Variants in EIF2D observed in about 807,000 individuals in gnomAD.
EIF2D encodes the protein eukaryotic translation initiation factor 2D, also known as hepatocellular carcinoma-associated antigen 56.
A neutral mutation model predicts 77.4 loss-of-function variants in EIF2D; 56 were observed. The ratio of observed to expected loss-of-function variants is 0.72; its 90% CI spans 0.58 to 0.90. The LOEUF (loss-of-function observed/expected upper bound fraction) is 0.90. Ranked by LOEUF, EIF2D falls within the 40% of genes least tolerant of loss-of-function variation. The pLI, the probability that EIF2D is intolerant of heterozygous loss-of-function variation, is 0.00. For synonymous variants in EIF2D, 230 were observed against 271.0 expected (o/e 0.85, Z 1.49); for missense variants, 574 against 706.5 (o/e 0.81, Z 2.13).
chr1:206,582,325 A>G (rs954448707), intron 2 of EIF2D, among the ~76,000 whole-genome samples: 6 of 152,222 alleles, frequency 3.9e-5, no homozygotes, highest in Admixed American at 3.9e-4. Context: ...GCATCTGGGA[A>G]CATATGAGAA....
chr1:206,605,816 A>G (rs1050509979), intron 4 of EIF2D, among the ~76,000 whole-genome samples: 8 of 152,234 alleles, frequency 5.3e-5, no homozygotes, highest in Non-Finnish European at 1.2e-4. Flanking sequence ...TTGGAAGGAT[A>G]TTTAATGTTC....
chr1:206,591,687 T>C lies in EIF2D; in HGVS notation c.*88A>G. ...TATTTTTGTAAAGAATTATATTTTG[T>C]ATTTGCAAAAGCTGAAAATGCTCAT... On this transcript the variant is annotated 3_prime_UTR_variant, in exon 15 of 15. Transcript: ENST00000271764. The C allele has an allele frequency of 8.6e-7, 1 of 1,165,312 alleles. No individual in the cohort carries two copies. Among genetic ancestry groups the C allele is most frequent in the Non-Finnish European group, 1.3e-6 (1 of 785,944 alleles). 72.2% of individuals were successfully genotyped at this position (1,165,312 alleles called of 1,614,324 possible).
At chr1:206,600,111 G>T in intron 8 of EIF2D, 152 bp downstream of exon 8, 1 of 788,024 alleles carries the variant, frequency 1.3e-6, no homozygotes, top group Non-Finnish European at 2.0e-6. Flanking sequence ...AGCCCAGGGA[G>T]AGTTTCTTTC....
At chr1:206,610,662 A>G (rs561079733) in intron 2 of EIF2D, among the ~76,000 whole-genome samples, 7 of 152,294 alleles carry the variant, frequency 4.6e-5, no homozygotes, top group African/African-American at 1.7e-4. Flanking sequence ...CTACTAAAAA[A>G]TGCAAAAAAT....
rs1246290851 is a variant in EIF2D at position 206,592,093 on chromosome 1, G to A, written c.1685-248C>T. ...GAGAGAGAATGTGTCTGTTCAGTCT[G>A]TGCTCCTCGCTCTTGCTCATAACAT... is the stretch of plus-strand genomic sequence containing the variant. On this transcript the variant is annotated intron_variant, in intron 14 of 14. Coordinates refer to ENST00000271764, the MANE Select transcript of EIF2D (RefSeq NM_006893.3). This position sits in a 1 kb window ranked among gnomAD's most constrained non-coding sequence, Gnocchi z 4.7. 6.6e-6 allele frequency among the ~76,000 whole-genome samples: 1 copy of A among 152,230 alleles called. No homozygotes were observed. Among genetic ancestry groups the A allele is most frequent in the Non-Finnish European group, 1.5e-5 (1 of 68,052 alleles).
chr1:206,609,244 C>T (rs1417509394), intron 3 of EIF2D, 132 bp downstream of exon 3: 9 of 822,684 alleles, frequency 1.1e-5, no homozygotes, highest in African/African-American at 1.0e-4. Context: ...AAGTGAGAAA[C>T]ATAAAACACA....
intron 4 of EIF2D, chr1:206,572,796 G>A (rs1668493289): frequency 6.6e-6 from 1 of 152,166 alleles, no homozygotes; most frequent in Admixed American, 6.5e-5. Flanking sequence ...TGCAATCATA[G>A]AATATAATTT....
In EIF2D at chr1:206,602,416, A is replaced by G. The variant is rs1553411499; in HGVS notation, c.822T>C (p.His274=). The G allele has an allele frequency of 3.1e-6, 5 of 1,614,222 alleles. No homozygotes were observed. The highest frequency in any genetic ancestry group is 3.3e-5 in the Admixed American group (2 of 60,022). ...MDELLQQCFL[H]ALKCRVKKAD... The stretch of plus-strand genomic sequence containing the variant: ...CCTTTTTGACTCGGCACTTCAAGGC[A>G]TGTAAGAAGCATTGCTGTAACAGCT... Residue 274 remains histidine (H), a synonymous_variant, in exon 7 of 15, where the codon CAT becomes CAC. Coordinates refer to ENST00000271764, the MANE Select transcript of EIF2D (RefSeq NM_006893.3).
Position 206,599,331 on chromosome 1 carries a change from C to T in EIF2D, c.1202+132G>A, listed in dbSNP as rs1236788216. 1.3e-5 allele frequency: 16 copies of T among 1,268,910 alleles called. No homozygotes were observed. The East Asian group carries it at 3.7e-4, about 29-fold the overall frequency. 78.6% of individuals were successfully genotyped at this position (1,268,910 alleles called of 1,614,324 possible). A position where few individuals can be genotyped will look rare whatever the true frequency, so the allele number is the denominator to read the frequency against. ...CTTGCCCAGGGAAGAAGGCTGGAAG[C>T]TGGATTTTGGAGAAGGGGAGAACAG... On this transcript the variant is annotated intron_variant, in intron 10 of 14. Transcript: ENST00000271764. The surrounding 1 kb of genome is among the most constrained non-coding windows in gnomAD (Gnocchi z 4.1).
chr1:206,570,530 C>CCTACCAATTAAACAGTAACTCA (rs1668417281), downstream of EIF2D, among the ~76,000 whole-genome samples: 1 of 151,934 alleles, frequency 6.6e-6, no homozygotes, highest in Non-Finnish European at 1.5e-5. Flanking sequence ...ACAGTAACTC[C>CCTACCAATTAAACAGTAACTCA]CTACCAATTA....
In EIF2D at chr1:206,599,490, G is replaced by A. The variant is rs782694328; in HGVS notation, c.1175C>T (p.Thr392Ile). 3 of 1,613,856 alleles carry A rather than the reference G, an allele frequency of 1.9e-6. No homozygotes were observed. Among genetic ancestry groups the A allele is most frequent in the Non-Finnish European group, 2.5e-6 (3 of 1,179,958 alleles). The change falls in exon 10 of 15, where the codon ACC (threonine) becomes ATC (isoleucine). Residue 392 changes from threonine to isoleucine, a missense_variant. Coordinates refer to ENST00000271764, the MANE Select transcript of EIF2D (RefSeq NM_006893.3). This position sits in a 1 kb window ranked among gnomAD's most constrained non-coding sequence, Gnocchi z 4.1. ...KPLYCVPASM[T>I]LLFQESGHKK... Reference sequence around the variant, plus strand: ...GTGGCCAGACTCCTGGAAGAGCAGGGTCATGCTGGCTGGGACACAGTAGAG... The same window carrying A: ...GTGGCCAGACTCCTGGAAGAGCAGGATCATGCTGGCTGGGACACAGTAGAG...
At chr1:206,611,024 C>A in intron 2 of EIF2D, 160 bp downstream of exon 2, 1 of 633,376 alleles carries the variant, frequency 1.6e-6, no homozygotes, top group Non-Finnish European at 2.6e-6. Flanking sequence ...AATTGAAAGA[C>A]CCAATTCTAG....
At position 206,605,522 on chromosome 1, in the gene EIF2D, G is replaced by T; in HGVS notation, c.423-15C>A. The T allele has an allele frequency of 6.2e-7, 1 of 1,607,750 alleles. No individual in the cohort carries two copies. The highest frequency in any genetic ancestry group is 8.5e-7 in the Non-Finnish European group (1 of 1,174,722). ...CTACAGGGGCTCTAAGAAGAAGGAA[G>T]CCAGAGACCAGGGTCATGGAAAATC... On this transcript the variant is annotated splice_polypyrimidine_tract_variant and intron_variant, in intron 4 of 14. Transcript: ENST00000271764.
chr1:206,608,288 G>A lies in EIF2D; in HGVS notation c.370C>T (p.Leu124=), dbSNP rs782159894. ...AGGTCGCCCTTCTGTACCTGAGGCAGACCAGCAGGGGGCATCACCAGTCCA... is the reference window on the plus strand; with the variant it reads ...AGGTCGCCCTTCTGTACCTGAGGCAAACCAGCAGGGGGCATCACCAGTCCA... ...LPGLVMPPAG[L]PQVQKGDLCA... The change falls in exon 4 of 15, where the codon CTG becomes TTG. Residue 124 remains leucine (L), a synonymous_variant. Transcript: ENST00000271764. 6.2e-7 allele frequency: 1 copy of A among 1,613,588 alleles called. No individual in the cohort carries two copies. Among genetic ancestry groups the A allele is most frequent in the South Asian group, 1.1e-5 (1 of 90,980 alleles).
Position 206,579,641 on chromosome 1 carries a change from G to A in EIF2D, c.*254+1051C>T, listed in dbSNP as rs946267859. 7.9e-5 allele frequency among the ~76,000 whole-genome samples: 12 copies of A among 151,900 alleles called. No individual in the cohort carries two copies. The highest frequency in any genetic ancestry group is 2.6e-4 in the Admixed American group (4 of 15,254). ...TTCAGTTCTTTTCGAATGTTGCTGC[G>A]AATTAAAATCAACTAGGAGATTTTT... On this transcript the variant is annotated intron_variant and NMD_transcript_variant, in intron 4 of 5. Transcript: ENST00000472709. This position sits in a 1 kb window ranked among gnomAD's most constrained non-coding sequence, Gnocchi z 4.2.
intron 5 of EIF2D, 142 bp from the exon 6 acceptor site, chr1:206,603,346 C>T (rs1670025784): frequency 8.8e-7 from 1 of 1,141,074 alleles, no homozygotes; most frequent in Non-Finnish European, 1.2e-6. Context: ...AGCCTGTGCC[C>T]TCATCTCAAG....
At chr1:206,570,555 A>G (rs1553404051), downstream of EIF2D, among the ~76,000 whole-genome samples, 1 of 141,466 alleles carries the variant, frequency 7.1e-6, no homozygotes, top group Non-Finnish European at 1.5e-5. Context: ...GTAACTCACT[A>G]TTTTCCCCTC....
intron 4 of EIF2D, among the ~76,000 whole-genome samples, chr1:206,574,007 A>G (rs1285676243): frequency 6.6e-6 from 1 of 152,242 alleles, no homozygotes; most frequent in African/African-American, 2.4e-5. Context: ...AGGGGATTAA[A>G]TGAGATCAGG....
At chr1:206,601,596 A>C (rs1387644038) in intron 7 of EIF2D, 1 of 152,144 alleles carries the variant, frequency 6.6e-6, no homozygotes, top group African/African-American at 2.4e-5. Flanking sequence ...TAAATAAATA[A>C]ATTCAATCTC....
Sources: allele counts gnomAD v4.1 joint callset (sites outside exome capture counted in the v4.1 genomes callset), GRCh38; gene constraint gnomAD v4.1.1; non-coding constraint Gnocchi (gnomAD v3.1); transcripts MANE v1.5; gene names NCBI Gene and HGNC (gene_info 2026-07-23, HGNC 2026-07-21).